Variants in LRRCC1 observed in about 807,000 individuals in gnomAD.
LRRCC1 encodes leucine rich repeat and coiled-coil centrosomal protein 1.
In LRRCC1, 115 loss-of-function variants were observed where a neutral mutation model predicts 126.0. The ratio of observed to expected loss-of-function variants is 0.91; its 90% CI spans 0.78 to 1.07. The LOEUF (loss-of-function observed/expected upper bound fraction) is 1.07. Among genes scored for constraint, LRRCC1 ranks in the 50% least tolerant of loss-of-function variants. The pLI is 0.00. For synonymous variants in LRRCC1, 400 were observed against 393.4 expected (o/e 1.02, Z -0.20); for missense variants, 1,172 against 1,175.7 (o/e 1.00, Z 0.05).
At chr8:85,142,918 A>G (rs1477508135) in intron 18 of LRRCC1, among the ~76,000 whole-genome samples, 1 of 152,292 alleles carries the variant, frequency 6.6e-6, no homozygotes, top group Admixed American at 6.5e-5. Context: ...CTGTGCAAAG[A>G]AAAAGAGGGA....
At chr8:85,121,720 C>G (rs761721455) in intron 6 of LRRCC1, among the ~76,000 whole-genome samples, 4 of 152,124 alleles carry the variant, frequency 2.6e-5, no homozygotes, top group African/African-American at 9.7e-5. Context: ...GGATAGAATT[C>G]AGTTTTAATT....
At chr8:85,134,612 G>A (rs906183696) in intron 12 of LRRCC1, among the ~76,000 whole-genome samples, 43 of 152,168 alleles carry the variant, frequency 2.8e-4, no homozygotes, top group South Asian at 2.1e-4. Context: ...CAGCCACCGC[G>A]CCCAGCCCAA....
In LRRCC1 at chr8:85,109,820, T is replaced by G; in HGVS notation, c.310+20T>G. On this transcript the variant is annotated intron_variant, in intron 2 of 18. Coordinates refer to ENST00000360375, the MANE Select transcript of LRRCC1 (RefSeq NM_033402.5). The stretch of plus-strand genomic sequence containing the variant: ...TAGAAGGTTTGTAAGTGATTTTCAT[T>G]TAACACTTAGCGTAAGGAAAATGAT... 1 of 1,325,638 alleles carries G rather than the reference T, an allele frequency of 7.5e-7. No homozygotes were observed. Among genetic ancestry groups the G allele is most frequent in the Non-Finnish European group, 1.1e-6 (1 of 943,612 alleles). 82.1% of individuals were successfully genotyped at this position (1,325,638 alleles called of 1,614,324 possible). A position where few individuals can be genotyped will look rare whatever the true frequency, so the allele number is the denominator to read the frequency against.
At chr8:85,144,639 T>C (rs1276331460) in intron 18 of LRRCC1, among the ~76,000 whole-genome samples, 1 of 147,546 alleles carries the variant, frequency 6.8e-6, no homozygotes, top group African/African-American at 2.5e-5. Context: ...TAATTTTGTA[T>C]TTTTAGCAAA....
At chr8:85,116,950 C>T (rs1327227188) in intron 6 of LRRCC1, among the ~76,000 whole-genome samples, 1 of 152,140 alleles carries the variant, frequency 6.6e-6, no homozygotes, top group Non-Finnish European at 1.5e-5. Flanking sequence ...TGCTGGCCTA[C>T]ATATTATTTG....
In LRRCC1 at chr8:85,107,247, G is replaced by A. The variant is rs1276696552; in HGVS notation, c.-49G>A. 1.3e-6 allele frequency: 2 copies of A among 1,554,148 alleles called. No individual in the cohort carries two copies. The highest frequency in any genetic ancestry group is 2.0e-5 in the Admixed American group (1 of 50,918). ...CCGGGAGGCTTGTCCCAAGCTCACG[G>A]ACCCCTCGCTGGGTGCCGGTTAAGA... is the stretch of plus-strand genomic sequence containing the variant. On this transcript the variant is annotated 5_prime_UTR_variant, in exon 1 of 19. Transcript: ENST00000360375.
chr8:85,144,670 G>T (rs1056053022), intron 18 of LRRCC1, among the ~76,000 whole-genome samples: 1 of 146,798 alleles, frequency 6.8e-6, no homozygotes, highest in Admixed American at 6.7e-5. Flanking sequence ...CTCCATGTTG[G>T]CCAGGCTGGT....
Position 85,145,429 on chromosome 8 carries a change from A to C in LRRCC1, c.3017A>C (p.Glu1006Ala), listed in dbSNP as rs1563964795. 3.8e-6 allele frequency: 6 copies of C among 1,575,562 alleles called. No homozygotes were observed. Among genetic ancestry groups the C allele is most frequent in the Non-Finnish European group, 5.1e-6 (6 of 1,165,280 alleles). ...AAAGAAATGCGTGAACTTTTGGAAG[A>C]AACATGCAAGAACAAAAAAACAATG... ...IEKEMRELLE[E>A]TCKNKKTMEA... The change falls in exon 19 of 19, where the codon GAA becomes GCA. Residue 1006 changes from glutamate to alanine, a missense_variant. By Grantham distance (107) the Glu-to-Ala change is moderately radical. Coordinates refer to ENST00000360375, the MANE Select transcript of LRRCC1 (RefSeq NM_033402.5).
chr8:85,135,660 C>A, intron 13 of LRRCC1, 129 bp from the exon 14 acceptor site: 2 of 540,224 alleles, frequency 3.7e-6, no homozygotes, highest in Non-Finnish European at 5.7e-6. Flanking sequence ...ACTAAAACTT[C>A]TGATGTAAAA....
chr8:85,119,274 A>C (rs1323865323), intron 6 of LRRCC1, among the ~76,000 whole-genome samples: 3 of 152,022 alleles, frequency 2.0e-5, no homozygotes, highest in African/African-American at 7.2e-5. Flanking sequence ...TTTCTATAGG[A>C]TCTATAATGA....
chr8:85,140,587 T>G (rs949406903), intron 17 of LRRCC1, among the ~76,000 whole-genome samples: 1 of 152,238 alleles, frequency 6.6e-6, no homozygotes, highest in Non-Finnish European at 1.5e-5. Context: ...TCCAGGATAC[T>G]TTTAGTATGA....
intron 3 of LRRCC1, among the ~76,000 whole-genome samples, chr8:85,111,120 G>A (rs1431319500): frequency 1.3e-5 from 2 of 152,218 alleles, no homozygotes; most frequent in Non-Finnish European, 2.9e-5. Flanking sequence ...TCTCACGCCT[G>A]TAATCCCAGC....
Position 85,115,547 on chromosome 8 carries a change from A to G in LRRCC1, c.893A>G (p.Gln298Arg), listed in dbSNP as rs1395934737. 2 of 1,612,458 alleles carry G rather than the reference A, an allele frequency of 1.2e-6. No individual in the cohort carries two copies. Among genetic ancestry groups the G allele is most frequent in the Non-Finnish European group, 1.7e-6 (2 of 1,178,972 alleles). The change falls in exon 6 of 19, where the codon CAG (glutamine) becomes CGG (arginine). Residue 298 changes from glutamine (Q) to arginine (R), a missense_variant. Transcript: ENST00000360375. The part of the protein sequence containing the change: ...ENDLQNEIKL[Q>R]KLDDQILQLL... ...GATTTGCAGAATGAGATAAAACTTC[A>G]GAAATTAGATGACCAAATTCTACAA...
At chr8:85,143,560 A>G (rs1811415674) in intron 18 of LRRCC1, among the ~76,000 whole-genome samples, 1 of 151,952 alleles carries the variant, frequency 6.6e-6, no homozygotes, top group Admixed American at 6.6e-5. Context: ...GATTGCTTGA[A>G]CCCAGGAGTT....
chr8:85,134,840 A>G lies in LRRCC1; in HGVS notation c.1969-7A>G. 1 of 1,549,820 alleles carries G rather than the reference A, an allele frequency of 6.5e-7. No homozygotes were observed. The highest frequency in any genetic ancestry group is 1.2e-5 in the South Asian group (1 of 81,238). Reference sequence around the variant, plus strand: ...ACTGCTATTTATAATACAATTTTGGAATATAGGTTAAAGATGGTTTTGAAA... The same window carrying G: ...ACTGCTATTTATAATACAATTTTGGGATATAGGTTAAAGATGGTTTTGAAA... On this transcript the variant is annotated splice_region_variant and splice_polypyrimidine_tract_variant and intron_variant, in intron 12 of 18. Transcript: ENST00000360375.
chr8:85,119,021 C>T (rs1809321297), intron 6 of LRRCC1, among the ~76,000 whole-genome samples: 1 of 151,804 alleles, frequency 6.6e-6, no homozygotes, highest in Non-Finnish European at 1.5e-5. Context: ...ATATATGGTT[C>T]ACTCTTTTCC....
intron 6 of LRRCC1, among the ~76,000 whole-genome samples, chr8:85,122,761 C>T (rs947132162): frequency 2.0e-5 from 3 of 152,184 alleles, no homozygotes; most frequent in Non-Finnish European, 2.9e-5. Flanking sequence ...GTTCTTCCTA[C>T]GGCAAGCAAT....
At chr8:85,128,317 T>C (rs1327720184) in intron 9 of LRRCC1, among the ~76,000 whole-genome samples, 2 of 152,168 alleles carry the variant, frequency 1.3e-5, no homozygotes, top group East Asian at 3.9e-4. Flanking sequence ...ACACTTTATC[T>C]TTCTTCTTAC....
chr8:85,115,340 A>G, intron 5 of LRRCC1, 35 bp from the exon 6 acceptor site: 2 of 1,581,002 alleles, frequency 1.3e-6, no homozygotes. Flanking sequence ...AGTGAATATA[A>G]ATTAAAAGGA....
Sources: allele counts gnomAD v4.1 joint callset (sites outside exome capture counted in the v4.1 genomes callset), GRCh38; gene constraint gnomAD v4.1.1; transcripts MANE v1.5; gene names NCBI Gene and HGNC (gene_info 2026-07-23, HGNC 2026-07-21).